DLG2: variants seen among roughly 807,000 people sequenced by gnomAD.
DLG2 encodes discs large MAGUK scaffold protein 2, also known as disks large homolog 2.
DLG2 carries 45 observed loss-of-function variants against 132.5 expected under a neutral mutation model. The ratio of observed to expected loss-of-function variants is 0.34; its 90% CI spans 0.27 to 0.44. DLG2 has a LOEUF of 0.44. DLG2 is among the 20% of genes least tolerant of loss of function. The pLI, the probability that DLG2 is intolerant of heterozygous loss-of-function variation, is 1.00. For missense variants in DLG2, 1,045 were observed against 1,196.9 expected (o/e 0.87, Z 1.87); for synonymous variants, 424 against 419.6 (o/e 1.01, Z -0.13).
At chr11:85,132,421 TGTTAA>T (rs1186200245) in intron 5 of DLG2, among the ~76,000 whole-genome samples, 1 of 152,124 alleles carries the variant, frequency 6.6e-6, no homozygotes, top group African/African-American at 2.4e-5. Flanking sequence ...TGCCCTGATA[TGTTAA>T]GTTAAACTGA....
intron 3 of DLG2, among the ~76,000 whole-genome samples, chr11:85,343,153 A>G (rs2082610722): frequency 6.6e-6 from 1 of 152,126 alleles, no homozygotes; most frequent in African/African-American, 2.4e-5. Context: ...CTTTGTCCAA[A>G]CCAGTACAGA....
intron 18 of DLG2, among the ~76,000 whole-genome samples, chr11:83,668,852 T>TAC (rs2076311256): frequency 8.5e-6 from 1 of 118,284 alleles, no homozygotes; most frequent in East Asian, 2.1e-4. Flanking sequence ...CACACACACA[T>TAC]ATATATATAT....
intron 4 of DLG2, among the ~76,000 whole-genome samples, chr11:85,184,537 T>C (rs2079956697): frequency 6.6e-6 from 1 of 151,838 alleles, no homozygotes; most frequent in African/African-American, 2.4e-5. Context: ...TGAGACTAGT[T>C]GAAGCCATGC....
chr11:83,922,946 A>G (rs1266489938), intron 15 of DLG2, among the ~76,000 whole-genome samples: 1 of 152,182 alleles, frequency 6.6e-6, no homozygotes, highest in Non-Finnish European at 1.5e-5. Context: ...TACCACTATG[A>G]GTAGATAGAA....
chr11:84,788,729 C>G (rs2073349526), intron 6 of DLG2, among the ~76,000 whole-genome samples: 1 of 152,128 alleles, frequency 6.6e-6, no homozygotes, highest in South Asian at 2.1e-4. Flanking sequence ...GGAAGATTGT[C>G]ATTATTTCGT....
At chr11:84,127,428 C>T (rs2094225439) in intron 9 of DLG2, among the ~76,000 whole-genome samples, 1 of 152,180 alleles carries the variant, frequency 6.6e-6, no homozygotes, top group African/African-American at 2.4e-5. Context: ...ATTTTACTGT[C>T]TCACAGTACT....
intron 17 of DLG2, chr11:83,815,193 A>T: frequency 6.5e-6 from 1 of 154,032 alleles, no homozygotes; most frequent in Non-Finnish European, 1.5e-5. Flanking sequence ...TGCAGAGATG[A>T]GATAATCTTT....
At chr11:84,480,940 T>C (rs969897778) in intron 7 of DLG2, among the ~76,000 whole-genome samples, 15 of 152,020 alleles carry the variant, frequency 9.9e-5, no homozygotes, top group African/African-American at 2.9e-4. Context: ...GATTTCACGA[T>C]GTTGGCCAGG....
rs147322702 is a variant in DLG2 at position 85,253,717 on chromosome 11, T to C, written c.186+31503A>G. ...TCATGGCACCCGAGTTCTTGTCTGG[T>C]ATCCAGGAGGAATGAGATCATACAA... is the stretch of plus-strand genomic sequence containing the variant. On this transcript the variant is annotated intron_variant, in intron 4 of 27. Transcript: ENST00000376104. Among the ~76,000 whole-genome samples, 628 of 152,216 alleles carry C rather than the reference T, an allele frequency of 4.1e-3. 3 individuals are homozygous for C. The highest frequency in any genetic ancestry group is 0.014 in the African/African-American group (580 of 41,526).
In DLG2 at chr11:83,456,404, C is replaced by A. The variant is rs1218714578; in HGVS notation, c.*3414G>T. ...GACCTAAAGTATTTGTGTCATTAGTCCAGTGCATGGACTTGCTGTCTGAAT... is the reference window on the plus strand; with the variant it reads ...GACCTAAAGTATTTGTGTCATTAGTACAGTGCATGGACTTGCTGTCTGAAT... On this transcript the variant is annotated 3_prime_UTR_variant, in exon 28 of 28. Transcript: ENST00000376104. The A allele has an allele frequency of 2.0e-5, 3 of 152,650 alleles. No homozygotes were observed. Among genetic ancestry groups the A allele is most frequent in the Non-Finnish European group, 4.4e-5 (3 of 68,122 alleles). 9.5% of individuals were successfully genotyped at this position (152,650 alleles called of 1,614,324 possible).
intron 8 of DLG2, among the ~76,000 whole-genome samples, chr11:84,212,950 G>A (rs1566946662): frequency 6.6e-6 from 1 of 152,136 alleles, no homozygotes; most frequent in Admixed American, 6.5e-5. Context: ...GAGCCGCGGC[G>A]CCCGGCCTTA....
At chr11:84,373,178 C>G (rs11605400) in intron 7 of DLG2, among the ~76,000 whole-genome samples, 5 of 142,938 alleles carry the variant, frequency 3.5e-5, no homozygotes, top group African/African-American at 1.3e-4. Context: ...AAACTCCAGA[C>G]GACTATCTGG....
chr11:84,527,692 T>C (rs1398246905), intron 7 of DLG2, among the ~76,000 whole-genome samples: 2 of 152,190 alleles, frequency 1.3e-5, no homozygotes, highest in African/African-American at 2.4e-5. Context: ...TCTAAGCCGG[T>C]TTTGACTGCA....
At chr11:85,144,062 T>C (rs1262133270) in intron 5 of DLG2, among the ~76,000 whole-genome samples, 1 of 151,808 alleles carries the variant, frequency 6.6e-6, no homozygotes, top group African/African-American at 2.4e-5. Context: ...TGGTCTTTCT[T>C]TCTCTTTAGC....
At chr11:83,594,432 A>G (rs908003745) in intron 19 of DLG2, among the ~76,000 whole-genome samples, 1 of 152,202 alleles carries the variant, frequency 6.6e-6, no homozygotes, top group Non-Finnish European at 1.5e-5. Context: ...TACAGTCTTG[A>G]GTAATTTTAT....
At chr11:83,899,182 A>G (rs1435009465) in intron 15 of DLG2, among the ~76,000 whole-genome samples, 6 of 152,110 alleles carry the variant, frequency 3.9e-5, no homozygotes, top group Non-Finnish European at 5.9e-5. Context: ...TAGCCTATCA[A>G]GGGCATATCC....
intron 6 of DLG2, among the ~76,000 whole-genome samples, chr11:85,009,611 G>C (rs1189746125): frequency 6.6e-6 from 1 of 151,870 alleles, no homozygotes; most frequent in East Asian, 1.9e-4. Flanking sequence ...CTTTTTTTCT[G>C]TTCTTAACAA....
intron 3 of DLG2, among the ~76,000 whole-genome samples, chr11:85,369,504 C>T (rs1405957395): frequency 2.0e-5 from 3 of 151,988 alleles, no homozygotes; most frequent in Non-Finnish European, 4.4e-5. Flanking sequence ...TTTACTAGAC[C>T]AGGCAACCCA....
intron 15 of DLG2, among the ~76,000 whole-genome samples, chr11:83,900,804 G>A (rs12289288): frequency 0.096 from 14,666 of 152,232 alleles, 842 homozygotes; most frequent in Middle Eastern, 0.2. Context: ...TGGAGCTGCA[G>A]GAAGAGAACC....
Sources: allele counts gnomAD v4.1 joint callset (sites outside exome capture counted in the v4.1 genomes callset), GRCh38; gene constraint gnomAD v4.1.1; transcripts MANE v1.5; gene names NCBI Gene and HGNC (gene_info 2026-07-23, HGNC 2026-07-21).